Variants in YJU2B observed in about 807,000 individuals in gnomAD.
YJU2B encodes the protein YJU2 splicing factor homolog B, also known as probable splicing factor YJU2B.
In YJU2B, 18 loss-of-function variants were observed where a neutral mutation model predicts 38.0. The observed-to-expected ratio is 0.47, with a 90% CI of 0.33 to 0.70. YJU2B has a LOEUF of 0.70. Among genes scored for constraint, YJU2B ranks in the 30% least tolerant of loss-of-function variants. The pLI, the probability that YJU2B is intolerant of heterozygous loss-of-function variation, is 0.02. For synonymous variants in YJU2B, 246 were observed against 225.4 expected (o/e 1.09, Z -0.82); for missense variants, 538 against 556.3 (o/e 0.97, Z 0.33).
At chr19:13,750,284 G>T (rs979399520) in intron 1 of YJU2B, among the ~76,000 whole-genome samples, 1 of 152,150 alleles carries the variant, frequency 6.6e-6, no homozygotes, top group African/African-American at 2.4e-5. Flanking sequence ...CTGGGGTGCA[G>T]TGGCGCCATC....
chr19:13,740,493 T>G (rs1428356959), intron 2 of YJU2B, among the ~76,000 whole-genome samples: 1 of 152,074 alleles, frequency 6.6e-6, no homozygotes, highest in Non-Finnish European at 1.5e-5. Context: ...GTTACAGGCA[T>G]GAACCACCAT....
intron 2 of YJU2B, among the ~76,000 whole-genome samples, chr19:13,753,827 A>G (rs1016008034): frequency 3.3e-5 from 5 of 152,076 alleles, no homozygotes; most frequent in Admixed American, 6.6e-5. Context: ...ATTCGCCCCC[A>G]TGATTCGATT....
At chr19:13,747,063 C>T (rs1973271393), upstream of YJU2B, among the ~76,000 whole-genome samples, 1 of 152,124 alleles carries the variant, frequency 6.6e-6, no homozygotes, top group Non-Finnish European at 1.5e-5. Flanking sequence ...TAAAAGTTGT[C>T]TCAGAGCAGC....
Position 13,759,132 on chromosome 19 carries a change from G to A in YJU2B, c.433G>A (p.Ala145Thr), listed in dbSNP as rs773987500. 31 of 1,613,620 alleles carry A rather than the reference G, an allele frequency of 1.9e-5. No homozygotes were observed. Among genetic ancestry groups the A allele is most frequent in the Non-Finnish European group, 2.6e-5 (31 of 1,179,926 alleles). The change falls in exon 8 of 10, where the codon GCC (alanine) becomes ACC (threonine). Residue 145 changes from alanine (A) to threonine (T), a missense_variant. Coordinates refer to ENST00000221554, the MANE Select transcript of YJU2B (RefSeq NM_030818.4). The stretch of plus-strand genomic sequence containing the variant: ...GAAGAAGCAGAAGCTGGAGACGGAC[G>A]CCATGTTCCGGCTGGAGCATGGCGA... ...HEKKQKLETD[A>T]MFRLEHGEAD...
At chr19:13,745,210 C>A (rs578155305), upstream of YJU2B, among the ~76,000 whole-genome samples, 1 of 152,240 alleles carries the variant, frequency 6.6e-6, no homozygotes, top group East Asian at 1.9e-4. Context: ...CTTCTAGGGG[C>A]ATTCTATGAG....
At chr19:13,749,696 A>G (rs1319976300) in intron 1 of YJU2B, among the ~76,000 whole-genome samples, 1 of 144,714 alleles carries the variant, frequency 6.9e-6, no homozygotes, top group Admixed American at 7.3e-5. Flanking sequence ...GTGGTGGCGC[A>G]ATCTTTGCTC....
intron 1 of YJU2B, among the ~76,000 whole-genome samples, chr19:13,749,432 G>A (rs934929294): frequency 6.6e-6 from 1 of 152,092 alleles, no homozygotes; most frequent in Non-Finnish European, 1.5e-5. Flanking sequence ...ATGCAGCTAC[G>A]CCCGTTCATT....
rs34397712 is a variant in YJU2B, at chr19:13,753,574, C to CAAAAA, written c.4-695_4-691dup. Among the ~76,000 whole-genome samples, 221 of 71,862 alleles carry CAAAAA rather than the reference C, an allele frequency of 3.1e-3. 9 individuals carry two copies. Among genetic ancestry groups the CAAAAA allele is most frequent in the African/African-American group, 0.012 (212 of 16,994 alleles). The allele number at this position is 71,862 out of a possible 152,430, so 47.1% of individuals were successfully genotyped here. The stretch of plus-strand genomic sequence containing the variant: ...GGGCAACAAGAGTGAAACTCTGTCT[C>CAAAAA]AAAAAAAAAAAAAAAAAAAAAAAAG... On this transcript the variant is annotated intron_variant, in intron 2 of 9. Transcript: ENST00000221554.
chr19:13,734,589 CCTTT>C, intron 2 of YJU2B, among the ~76,000 whole-genome samples: 1 of 151,818 alleles, frequency 6.6e-6, no homozygotes, highest in South Asian at 2.1e-4. Flanking sequence ...CGCGCCCGGC[CCTTT>C]TTTTGTTTGT....
chr19:13,736,150 T>C (rs1972939530), intron 2 of YJU2B, among the ~76,000 whole-genome samples: 1 of 151,948 alleles, frequency 6.6e-6, no homozygotes, highest in African/African-American at 2.4e-5. Flanking sequence ...TTATAGGATA[T>C]ACCAATATCA....
At chr19:13,753,248 G>C (rs1482016715) in intron 2 of YJU2B, among the ~76,000 whole-genome samples, 3 of 152,178 alleles carry the variant, frequency 2.0e-5, no homozygotes, top group Non-Finnish European at 4.4e-5. Context: ...GAGGGAGCCT[G>C]TGTATTAGTC....
intron 3 of YJU2B, among the ~76,000 whole-genome samples, chr19:13,755,684 A>G (rs955198660): frequency 6.6e-6 from 1 of 151,652 alleles, no homozygotes; most frequent in African/African-American, 2.4e-5. Flanking sequence ...GGCTGGGCGC[A>G]GTAGCTCACA....
chr19:13,748,670 T>C (rs188192763), intron 1 of YJU2B, among the ~76,000 whole-genome samples: 1 of 152,282 alleles, frequency 6.6e-6, no homozygotes, highest in Non-Finnish European at 1.5e-5. Context: ...GTCAGTCTTG[T>C]CGTCGTCATT....
intron 1 of YJU2B, chr19:13,732,023 C>T (rs974032604): frequency 1.3e-5 from 2 of 152,274 alleles, no homozygotes; most frequent in Non-Finnish European, 2.9e-5. Flanking sequence ...CGTTCACAGC[C>T]TCTATCTCAG....
At chr19:13,742,386 T>C (rs1021314719) in intron 2 of YJU2B, among the ~76,000 whole-genome samples, 2 of 137,098 alleles carry the variant, frequency 1.5e-5, no homozygotes, top group Non-Finnish European at 3.1e-5. Flanking sequence ...CACTGCAACC[T>C]CCGCCTCCCG....
intron 8 of YJU2B, among the ~76,000 whole-genome samples, 169 bp from the exon 9 acceptor site, chr19:13,762,130 G>A (rs575877032): frequency 1.9e-4 from 29 of 152,260 alleles, no homozygotes; most frequent in African/African-American, 6.5e-4. Context: ...AGGAGTTCGA[G>A]GCTGCAGTGA....
chr19:13,750,041 G>A (rs944544096), intron 1 of YJU2B, among the ~76,000 whole-genome samples: 1 of 152,110 alleles, frequency 6.6e-6, no homozygotes, highest in Non-Finnish European at 1.5e-5. Flanking sequence ...GACCCTTATG[G>A]AGCCTCATTC....
At chr19:13,740,275 G>A (rs1973058128) in intron 2 of YJU2B, among the ~76,000 whole-genome samples, 1 of 151,978 alleles carries the variant, frequency 6.6e-6, no homozygotes, top group South Asian at 2.1e-4. Flanking sequence ...ACAGTGATGA[G>A]ATCATGGCTC....
chr19:13,763,274 A>C lies in YJU2B; in HGVS notation c.*206A>C, dbSNP rs530011701. On this transcript the variant is annotated 3_prime_UTR_variant, in exon 10 of 10. Coordinates refer to ENST00000221554, the MANE Select transcript of YJU2B (RefSeq NM_030818.4). ...TGTGCCTTGTGAGACTCCGTACATT[A>C]AAGACCTGTCTCTTCTTCCCTGTCT... The C allele has an allele frequency of 1.9e-6, 1 of 521,484 alleles. No individual in the cohort carries two copies. Among genetic ancestry groups the C allele is most frequent in the South Asian group, 3.1e-5 (1 of 32,660 alleles). The allele number at this position is 521,484 out of a possible 1,614,324, so 32.3% of individuals were successfully genotyped here. A position where few individuals can be genotyped will look rare whatever the true frequency, so the allele number is the denominator to read the frequency against.
Sources: gnomAD v4.1 joint callset for allele counts (sites outside exome capture counted in the v4.1 genomes callset) on GRCh38, gnomAD v4.1.1 for gene constraint, MANE v1.5 for transcripts, NCBI Gene and HGNC (gene_info 2026-07-23, HGNC 2026-07-21) for gene names.